The following DCBLD2 variants were observed in gnomAD, a reference collection of about 807,000 sequenced individuals.
The protein encoded by DCBLD2 is discoidin, CUB and LCCL domain-containing protein 2.
DCBLD2 carries 54 observed loss-of-function variants against 86.8 expected under a neutral mutation model. The ratio of observed to expected loss-of-function variants is 0.62; its 90% CI spans 0.50 to 0.78. The LOEUF is 0.78. DCBLD2 is among the 30% of genes least tolerant of loss of function. The pLI, the probability that DCBLD2 is intolerant of heterozygous loss-of-function variation, is 0.00. For missense variants in DCBLD2, 908 were observed against 954.2 expected, an observed-to-expected ratio of 0.95 and a Z score of 0.64; for synonymous variants, 354 against 341.3, an observed-to-expected ratio of 1.04 and a Z score of -0.41.
chr3:98,834,142 CTTTTTTTT>C (rs10588325), intron 3 of DCBLD2, among the ~76,000 whole-genome samples: 6 of 124,918 alleles, frequency 4.8e-5, no homozygotes, highest in African/African-American at 1.7e-4. Flanking sequence ...GAGTTGTTTT[CTTTTTTTT>C]TTTTTTTTTT....
chr3:98,801,812 T>A lies in DCBLD2; in HGVS notation c.1671-163A>T, dbSNP rs1273113082. 9.7e-6 allele frequency: 5 copies of A among 517,922 alleles called. No individual in the cohort carries two copies. The East Asian group carries it at 1.5e-4, about 16-fold the overall frequency. 32.1% of individuals were successfully genotyped at this position (517,922 alleles called of 1,614,324 possible). A position where few individuals can be genotyped will look rare whatever the true frequency, so the allele number is the denominator to read the frequency against. On this transcript the variant is annotated intron_variant, in intron 13 of 15. Transcript: ENST00000326840. ...TGAGTGAGAACATGCGGTGTTTGGTTTTTTGTCCTTGGGACAGTTTGCTGA... is the reference window on the plus strand; with the variant it reads ...TGAGTGAGAACATGCGGTGTTTGGTATTTTGTCCTTGGGACAGTTTGCTGA...
At chr3:98,863,413 T>C (rs376974860) in intron 2 of DCBLD2, among the ~76,000 whole-genome samples, 2 of 152,360 alleles carry the variant, frequency 1.3e-5, no homozygotes, top group East Asian at 3.9e-4. Context: ...AAGACAATCC[T>C]AAGCCAAAAG....
chr3:98,826,849 T>G (rs1057349168), intron 3 of DCBLD2, among the ~76,000 whole-genome samples: 1 of 152,132 alleles, frequency 6.6e-6, no homozygotes, highest in South Asian at 2.1e-4. Flanking sequence ...ATATAAACGC[T>G]TGATTAAAGA....
In DCBLD2 at chr3:98,820,255, C is replaced by A; in HGVS notation, c.864G>T (p.Lys288Asn). 1 of 1,470,604 alleles carries A rather than the reference C, an allele frequency of 6.8e-7. No homozygotes were observed. The highest frequency in any genetic ancestry group is 9.0e-7 in the Non-Finnish European group (1 of 1,112,428). The allele number at this position is 1,470,604 out of a possible 1,614,324, so 91.1% of individuals were successfully genotyped here. Residue 288 changes from lysine (K) to asparagine (N), a missense_variant, in exon 7 of 16, where the codon AAG becomes AAT. By Grantham distance (94) the Lys-to-Asn change is moderately conservative. Around this residue, in one of 3 missense-constraint regions of DCBLD2, gnomAD observed 606 missense variants for 678.5 expected, o/e 0.89. Coordinates refer to ENST00000326840, the MANE Select transcript of DCBLD2 (RefSeq NM_080927.4). Reference protein sequence around the residue: ...GHLSTSLFTFKTSGCYGTLGM... With the variant: ...GHLSTSLFTFNTSGCYGTLGM... ...AGTCCATAAAAGGCTTACCACTTGT[C>A]TTAAATGTAAAAAGACTTGTAGATA...
At chr3:98,840,112 C>T (rs1418240209) in intron 3 of DCBLD2, among the ~76,000 whole-genome samples, 5 of 152,146 alleles carry the variant, frequency 3.3e-5, no homozygotes, top group African/African-American at 1.2e-4. Context: ...ATGAAACTTT[C>T]ACTTTAATAA....
chr3:98,876,412 T>TTAAAAAAAAAAAAA (rs1943371360), intron 2 of DCBLD2, among the ~76,000 whole-genome samples: 1 of 47,534 alleles, frequency 2.1e-5, no homozygotes, highest in African/African-American at 1.1e-4. Context: ...AGATAAAAAG[T>TTAAAAAAAAAAAAA]AAAAAAAAAA....
At chr3:98,870,704 A>G (rs9879487) in intron 2 of DCBLD2, among the ~76,000 whole-genome samples, 8 of 141,582 alleles carry the variant, frequency 5.7e-5, no homozygotes, top group African/African-American at 1.8e-4. Context: ...AAGAGAGAGA[A>G]AAAAAGAAAG....
Position 98,843,186 on chromosome 3 carries a change from C to A in DCBLD2, c.571+6275G>T, listed in dbSNP as rs1272254752. On this transcript the variant is annotated intron_variant, in intron 3 of 15. Coordinates refer to ENST00000326840, the MANE Select transcript of DCBLD2 (RefSeq NM_080927.4). The stretch of plus-strand genomic sequence containing the variant: ...ACACCAAACTACAAATATTCTTCTG[C>A]GTGTTAATTATATTATACATACAAA... Among the ~76,000 whole-genome samples, 5 of 152,030 alleles carry A rather than the reference C, an allele frequency of 3.3e-5. No homozygotes were observed. In the East Asian group the frequency reaches 7.7e-4, roughly 23 times the overall value.
At chr3:98,860,385 T>C (rs976298417) in intron 2 of DCBLD2, among the ~76,000 whole-genome samples, 18 of 152,204 alleles carry the variant, frequency 1.2e-4, no homozygotes, top group African/African-American at 3.4e-4. Flanking sequence ...GCCACAAAGA[T>C]ACTCCTCGAG....
chr3:98,810,833 A>G (rs1941925874), intron 12 of DCBLD2, among the ~76,000 whole-genome samples: 1 of 152,200 alleles, frequency 6.6e-6, no homozygotes, highest in East Asian at 1.9e-4. Context: ...CCATCAAATT[A>G]ATATATTATC....
At chr3:98,861,767 A>T (rs973960375) in intron 2 of DCBLD2, among the ~76,000 whole-genome samples, 2 of 152,192 alleles carry the variant, frequency 1.3e-5, no homozygotes, top group Admixed American at 1.3e-4. Context: ...CCCACAAGAG[A>T]AAGCAGGAAA....
intron 14 of DCBLD2, 161 bp from the exon 15 acceptor site, chr3:98,800,877 TAGACTATCC>T: frequency 1.2e-6 from 1 of 833,138 alleles, no homozygotes; most frequent in South Asian, 1.8e-5. Context: ...TTTGCTGTGA[TAGACTATCC>T]AGCACCAAGC....
chr3:98,885,927 C>T (rs1381081574), intron 1 of DCBLD2, among the ~76,000 whole-genome samples: 2 of 151,388 alleles, frequency 1.3e-5, no homozygotes, highest in Non-Finnish European at 3.0e-5. Context: ...AGAAAAGCTG[C>T]TAAAACATCT....
rs768120325 is a variant in DCBLD2, at chr3:98,849,534, T to G, written c.498A>C (p.Thr166=). ...CATGGATTCCACTCATGAACAGCAATGTGATTTCATTGCCTTTTGATTCAA... is the reference window on the plus strand; with the variant it reads ...CATGGATTCCACTCATGAACAGCAAGGTGATTTCATTGCCTTTTGATTCAA... ...HSIESKGNEI[T]LLFMSGIHVS... Residue 166 remains threonine (T), a synonymous_variant, in exon 3 of 16, where the codon ACA becomes ACC. Coordinates refer to ENST00000326840, the MANE Select transcript of DCBLD2 (RefSeq NM_080927.4). The G allele has an allele frequency of 4.3e-6, 7 of 1,613,772 alleles. No homozygotes were observed. The highest frequency in any genetic ancestry group is 5.9e-6 in the Non-Finnish European group (7 of 1,179,842).
At chr3:98,858,283 C>G (rs1234125420) in intron 2 of DCBLD2, among the ~76,000 whole-genome samples, 5 of 152,242 alleles carry the variant, frequency 3.3e-5, no homozygotes, top group African/African-American at 1.2e-4. Flanking sequence ...CGTGTGCAGC[C>G]CCAGTTCCCG....
At chr3:98,814,250 G>T (rs72934650) in intron 9 of DCBLD2, 5 of 152,210 alleles carry the variant, frequency 3.3e-5, no homozygotes, top group African/African-American at 1.2e-4. Context: ...GTGAGCTCCC[G>T]TGATTTCCTC....
At chr3:98,879,622 C>T (rs929618772) in intron 2 of DCBLD2, among the ~76,000 whole-genome samples, 3 of 152,254 alleles carry the variant, frequency 2.0e-5, no homozygotes, top group East Asian at 3.9e-4. Context: ...CACCTGACCT[C>T]GTGATCCGCC....
intron 13 of DCBLD2, among the ~76,000 whole-genome samples, chr3:98,806,535 C>T (rs1393615310): frequency 6.6e-6 from 1 of 152,232 alleles, no homozygotes; most frequent in East Asian, 1.9e-4. Flanking sequence ...CTGGGATCCA[C>T]TAGCTTCCTC....
Position 98,901,377 on chromosome 3 carries a change from C to T in DCBLD2, c.-51G>A, listed in dbSNP as rs1943849085. On this transcript the variant is annotated 5_prime_UTR_variant, in exon 1 of 16. Coordinates refer to ENST00000326840, the MANE Select transcript of DCBLD2 (RefSeq NM_080927.4). ...TAGTGCGGGTGCCTCGGCAGCCCCGCGCGCCTCTGGCCGCGGCACCCGACC... is the reference window on the plus strand; with the variant it reads ...TAGTGCGGGTGCCTCGGCAGCCCCGTGCGCCTCTGGCCGCGGCACCCGACC... The T allele has an allele frequency of 7.9e-7, 1 of 1,272,394 alleles. No homozygotes were observed. Among genetic ancestry groups the T allele is most frequent in the Admixed American group, 4.3e-5 (1 of 23,408 alleles). 78.8% of individuals were successfully genotyped at this position (1,272,394 alleles called of 1,614,324 possible).
Sources: allele counts gnomAD v4.1 joint callset (sites outside exome capture counted in the v4.1 genomes callset), GRCh38; gene constraint gnomAD v4.1.1; regional missense constraint gnomAD v4.1.1; transcripts MANE v1.5; gene names NCBI Gene and HGNC (gene_info 2026-07-23, HGNC 2026-07-21).